Variants in NKAIN2 observed in about 807,000 individuals in gnomAD.
NKAIN2 encodes sodium/potassium-transporting ATPase subunit beta-1-interacting protein 2.
A neutral mutation model predicts 32.6 loss-of-function variants in NKAIN2; 14 were observed. The ratio of observed to expected loss-of-function variants is 0.43; its 90% confidence interval spans 0.28 to 0.67. The LOEUF is 0.67. NKAIN2 is among the 30% of genes least tolerant of loss of function. The probability of loss-of-function intolerance (pLI) is 0.17; values close to 1 mark genes in which losing one functional copy is unlikely to be tolerated. For synonymous variants in NKAIN2, 80 were observed against 87.2 expected (o/e 0.92, Z 0.46); for missense variants, 198 against 258.3 (o/e 0.77, Z 1.60).
At chr6:124,287,650 C>G (rs1795616872) in intron 2 of NKAIN2, among the ~76,000 whole-genome samples, 1 of 151,938 alleles carries the variant, frequency 6.6e-6, no homozygotes, top group East Asian at 1.9e-4. Flanking sequence ...CATCAAATCC[C>G]AGAAAATAAT....
chr6:124,571,618 C>T (rs965053583), intron 3 of NKAIN2, among the ~76,000 whole-genome samples: 1 of 152,166 alleles, frequency 6.6e-6, no homozygotes, highest in Non-Finnish European at 1.5e-5. Flanking sequence ...TCCTCAGCCA[C>T]GTGGAACTGT....
chr6:123,870,714 G>A (rs1472692116), intron 1 of NKAIN2, among the ~76,000 whole-genome samples: 1 of 152,016 alleles, frequency 6.6e-6, no homozygotes, highest in Non-Finnish European at 1.5e-5. Context: ...CTATTCATTA[G>A]TGCCCGGTAC....
intron 1 of NKAIN2, among the ~76,000 whole-genome samples, chr6:123,916,972 A>T (rs1173928323): frequency 6.6e-6 from 1 of 152,174 alleles, no homozygotes; most frequent in Non-Finnish European, 1.5e-5. Context: ...GTCAAAAGTC[A>T]GTCCTCTTCA....
intron 4 of NKAIN2, among the ~76,000 whole-genome samples, chr6:124,778,559 G>T (rs1490403616): frequency 1.3e-5 from 2 of 151,970 alleles, no homozygotes; most frequent in Non-Finnish European, 2.9e-5. Flanking sequence ...AGTAAGAACT[G>T]ATGATCTGGA....
intron 3 of NKAIN2, among the ~76,000 whole-genome samples, chr6:124,491,633 A>T (rs1266969378): frequency 6.6e-6 from 1 of 151,820 alleles, no homozygotes; most frequent in East Asian, 1.9e-4. Flanking sequence ...GTATAGTCAG[A>T]GGTGTGAATA....
Position 123,843,040 on chromosome 6 carries a change from A to G in NKAIN2, c.54+38786A>G, listed in dbSNP as rs138827407. Among the ~76,000 whole-genome samples, 724 of 152,166 alleles carry G rather than the reference A, an allele frequency of 4.8e-3. 4 individuals carry two copies. Among genetic ancestry groups the G allele is most frequent in the Admixed American group, 0.015 (233 of 15,286 alleles). ...TGCCTTTGGGTGCTGGCAGGAATGA[A>G]CCCTGTACCGGCCTGCGACAATATC... On this transcript the variant is annotated intron_variant, in intron 1 of 6. Transcript: ENST00000368417.
chr6:124,617,259 C>T (rs1172174035), intron 3 of NKAIN2, among the ~76,000 whole-genome samples: 1 of 152,212 alleles, frequency 6.6e-6, no homozygotes, highest in Non-Finnish European at 1.5e-5. Flanking sequence ...ACAGCTCTTT[C>T]TCCGAGATTC....
At chr6:124,043,428 A>G (rs1781969499) in intron 1 of NKAIN2, among the ~76,000 whole-genome samples, 1 of 152,104 alleles carries the variant, frequency 6.6e-6, no homozygotes, top group Non-Finnish European at 1.5e-5. Context: ...ATTGTCCACC[A>G]TCTAAGTCCT....
chr6:124,532,046 T>C (rs1779545964), intron 3 of NKAIN2, among the ~76,000 whole-genome samples: 2 of 152,324 alleles, frequency 1.3e-5, no homozygotes, highest in East Asian at 3.9e-4. Flanking sequence ...AGCTGTCTGA[T>C]TTAGTAGCCA....
intron 2 of NKAIN2, among the ~76,000 whole-genome samples, chr6:124,330,508 C>A (rs993611682): frequency 6.6e-6 from 1 of 152,172 alleles, no homozygotes; most frequent in Non-Finnish European, 1.5e-5. Flanking sequence ...AGCCTTGTAC[C>A]TCCACATCAA....
In NKAIN2 at chr6:123,911,812, T is replaced by A. The variant is rs9490999; in HGVS notation, c.54+107558T>A. Among the ~76,000 whole-genome samples the A allele has an allele frequency of 7.3e-4, 62 of 85,014 alleles. 6 individuals carry two copies. The highest frequency in any genetic ancestry group is 2.8e-3 in the African/African-American group (61 of 21,836). 55.8% of individuals were successfully genotyped at this position (85,014 alleles called of 152,430 possible). ...ATATATATATATATGTATATATATA[T>A]ACACACACACACACACACACACACA... On this transcript the variant is annotated intron_variant, in intron 1 of 6. Coordinates refer to ENST00000368417, the MANE Select transcript of NKAIN2 (RefSeq NM_001040214.3).
chr6:124,118,861 C>A (rs748419265), intron 1 of NKAIN2, among the ~76,000 whole-genome samples: 8 of 152,068 alleles, frequency 5.3e-5, no homozygotes, highest in Non-Finnish European at 8.8e-5. Flanking sequence ...TCAATTCTGC[C>A]TTTGTAGCAT....
intron 4 of NKAIN2, among the ~76,000 whole-genome samples, chr6:124,687,271 T>A (rs1194734408): frequency 7.2e-6 from 1 of 139,632 alleles, no homozygotes; most frequent in Non-Finnish European, 1.5e-5. Flanking sequence ...ATTCTCTCTA[T>A]ATATAGAGAG....
chr6:123,911,770 TATAC>T lies in NKAIN2; in HGVS notation c.54+107528_54+107531del, dbSNP rs1295386721. On this transcript the variant is annotated intron_variant, in intron 1 of 6. Transcript: ENST00000368417. ...TGTATTAATATAAAATAGTCGTATATATACATACATACATATATATATATATATA... is the reference window on the plus strand; with the variant it reads ...TGTATTAATATAAAATAGTCGTATATATACATACATATATATATATATATA... Among the ~76,000 whole-genome samples, 10 of 130,466 alleles carry T rather than the reference TATAC, an allele frequency of 7.7e-5. 1 individual carries two copies. The South Asian group carries it at 1.7e-3, about 23-fold the overall frequency. 85.6% of individuals were successfully genotyped at this position (130,466 alleles called of 152,430 possible).
intron 1 of NKAIN2, among the ~76,000 whole-genome samples, chr6:124,261,411 A>G (rs1562457143): frequency 6.6e-6 from 1 of 152,298 alleles, no homozygotes; most frequent in Admixed American, 6.5e-5. Flanking sequence ...TAACACTTCA[A>G]CAATGTTAGT....
At chr6:123,822,102 G>A (rs1254604494) in intron 1 of NKAIN2, among the ~76,000 whole-genome samples, 1 of 84,722 alleles carries the variant, frequency 1.2e-5, no homozygotes, top group Non-Finnish European at 1.9e-5. Context: ...TTAATTTTAG[G>A]AAGTATTAAT....
intron 2 of NKAIN2, among the ~76,000 whole-genome samples, chr6:124,283,960 C>A (rs1795429412): frequency 6.6e-6 from 1 of 152,144 alleles, no homozygotes; most frequent in African/African-American, 2.4e-5. Context: ...TTGTTCAACA[C>A]AAACCAGCAG....
intron 3 of NKAIN2, among the ~76,000 whole-genome samples, chr6:124,573,741 A>G (rs763089347): frequency 3.3e-5 from 5 of 152,170 alleles, no homozygotes; most frequent in Non-Finnish European, 7.3e-5. Context: ...TGGACTACAT[A>G]TATATGAATG....
At chr6:124,171,389 G>T (rs923086451) in intron 1 of NKAIN2, among the ~76,000 whole-genome samples, 5 of 152,046 alleles carry the variant, frequency 3.3e-5, no homozygotes, top group African/African-American at 1.2e-4. Flanking sequence ...AAGAATAAAA[G>T]ATATAAGTTA....
Sources: allele counts gnomAD v4.1 joint callset (sites outside exome capture counted in the v4.1 genomes callset), GRCh38; gene constraint gnomAD v4.1.1; transcripts MANE v1.5; gene names NCBI Gene and HGNC (gene_info 2026-07-23, HGNC 2026-07-21).